MSI2: variants seen among roughly 807,000 people sequenced by gnomAD.
MSI2 encodes the protein RNA-binding protein Musashi homolog 2.
MSI2 carries 17 observed loss-of-function variants against 45.6 expected under a neutral mutation model. That is an observed-to-expected ratio of 0.37 (90% CI 0.26 to 0.56). The LOEUF is 0.56. MSI2 is among the 20% of genes least tolerant of loss of function. The pLI, the probability that MSI2 is intolerant of heterozygous loss-of-function variation, is 0.77. For synonymous variants in MSI2, 156 were observed against 158.2 expected, an observed-to-expected ratio of 0.99 and a Z score of 0.11; for missense variants, 293 against 444.2, an observed-to-expected ratio of 0.66 and a Z score of 3.06.
intron 6 of MSI2, among the ~76,000 whole-genome samples, chr17:57,502,760 G>GC (rs908580388): frequency 6.6e-6 from 1 of 151,080 alleles, no homozygotes; most frequent in African/African-American, 2.4e-5. Flanking sequence ...GCACAGAGGC[G>GC]CATGTGTTGG....
chr17:57,479,973 A>T (rs1050515349), intron 6 of MSI2, among the ~76,000 whole-genome samples: 1 of 152,184 alleles, frequency 6.6e-6, no homozygotes, highest in African/African-American at 2.4e-5. Context: ...TTACCAACTC[A>T]TGAAGGTCCA....
At chr17:57,547,449 G>A (rs1266339197) in intron 7 of MSI2, among the ~76,000 whole-genome samples, 2 of 152,138 alleles carry the variant, frequency 1.3e-5, no homozygotes, top group African/African-American at 4.8e-5. Flanking sequence ...CGTCTTGGGT[G>A]AGGGTTGTAC....
intron 5 of MSI2, among the ~76,000 whole-genome samples, chr17:57,352,069 A>G (rs1336981975): frequency 6.6e-6 from 1 of 152,230 alleles, no homozygotes; most frequent in African/African-American, 2.4e-5. Flanking sequence ...TACTGGAGGT[A>G]CTGGATATAA....
intron 5 of MSI2, among the ~76,000 whole-genome samples, chr17:57,284,448 G>A (rs1207993921): frequency 2.0e-5 from 3 of 152,152 alleles, no homozygotes; most frequent in East Asian, 1.9e-4. Context: ...TTTTAGAGGT[G>A]TGCCTGTGTG....
chr17:57,697,763 C>T, the MSI2 span, among the ~76,000 whole-genome samples: 1 of 152,134 alleles, frequency 6.6e-6, no homozygotes, highest in Admixed American at 6.5e-5. Flanking sequence ...ATCAGATCTC[C>T]TGAGACTTAT....
At chr17:57,400,024 C>T (rs1293820424) in intron 5 of MSI2, among the ~76,000 whole-genome samples, 5 of 152,240 alleles carry the variant, frequency 3.3e-5, no homozygotes, top group Non-Finnish European at 7.3e-5. Context: ...CAGCATCCTA[C>T]ATCACATCGA....
downstream of MSI2, among the ~76,000 whole-genome samples, chr17:57,688,566 T>C (rs1322948135): frequency 6.6e-6 from 1 of 152,176 alleles, no homozygotes; most frequent in Non-Finnish European, 1.5e-5. Context: ...ACAAGTGGCT[T>C]GAAGAAATTT....
chr17:57,394,328 T>G (rs1262444330), intron 5 of MSI2, among the ~76,000 whole-genome samples: 1 of 152,212 alleles, frequency 6.6e-6, no homozygotes, highest in African/African-American at 2.4e-5. Flanking sequence ...TGCTTAACAT[T>G]TCTGAGTCTT....
chr17:57,447,843 T>C (rs974305401), intron 6 of MSI2, among the ~76,000 whole-genome samples: 5 of 152,152 alleles, frequency 3.3e-5, no homozygotes, highest in Admixed American at 2.0e-4. Flanking sequence ...CTTCTGTCTT[T>C]GGGGCTATGA....
rs1908887469 is a variant in MSI2, at chr17:57,627,191, G to C, written c.653-38G>C. On this transcript the variant is annotated intron_variant, in intron 9 of 13. Transcript: ENST00000284073. The surrounding 1 kb of genome is among the most constrained non-coding windows in gnomAD (Gnocchi z 4.6). Reference sequence around the variant, plus strand: ...ATTTTACCCCAGACCTGAGGCGGCTGTACTAACAGGACTCTGATCTTTCTC... The same window carrying C: ...ATTTTACCCCAGACCTGAGGCGGCTCTACTAACAGGACTCTGATCTTTCTC... The C allele has an allele frequency of 1.3e-6, 2 of 1,593,306 alleles. No individual in the cohort carries two copies. The highest frequency in any genetic ancestry group is 1.7e-6 in the Non-Finnish European group (2 of 1,161,036).
Position 57,551,560 on chromosome 17 carries a change from C to T in MSI2, c.454+21836C>T, listed in dbSNP as rs189890355. 1.7e-4 allele frequency among the ~76,000 whole-genome samples: 26 copies of T among 152,222 alleles called. No individual in the cohort carries two copies. In the East Asian group the frequency reaches 5.0e-3, roughly 29 times the overall value. On this transcript the variant is annotated intron_variant, in intron 7 of 13. Coordinates refer to ENST00000284073, the MANE Select transcript of MSI2 (RefSeq NM_138962.4). Reference sequence around the variant, plus strand: ...GTGCCAGTTGCTGCATGACGTCTGCCGAGCCCCAGGTGCACCCATGGGGTC... The same window carrying T: ...GTGCCAGTTGCTGCATGACGTCTGCTGAGCCCCAGGTGCACCCATGGGGTC...
chr17:57,268,742 A>AG (rs1908072014), intron 5 of MSI2, among the ~76,000 whole-genome samples: 1 of 152,080 alleles, frequency 6.6e-6, no homozygotes, highest in Non-Finnish European at 1.5e-5. Context: ...AGGCTGAGGC[A>AG]GAGAATTGCT....
chr17:57,492,317 A>G (rs527402823), intron 6 of MSI2, among the ~76,000 whole-genome samples: 15 of 152,304 alleles, frequency 9.8e-5, no homozygotes, highest in Admixed American at 5.9e-4. Context: ...CTTCTCCACA[A>G]TTATTTTCAC....
chr17:57,267,169 C>T (rs1167720099), intron 5 of MSI2: 3 of 152,330 alleles, frequency 2.0e-5, no homozygotes, highest in Non-Finnish European at 4.4e-5. Flanking sequence ...ATGAACTGGC[C>T]TGCCAGTGGG....
intron 7 of MSI2, among the ~76,000 whole-genome samples, chr17:57,533,244 G>A (rs2086857231): frequency 6.6e-6 from 1 of 152,206 alleles, no homozygotes; most frequent in Non-Finnish European, 1.5e-5. Context: ...TGCCATGGGA[G>A]AGAACCCAGG....
At chr17:57,550,633 G>T (rs2087281625) in intron 7 of MSI2, among the ~76,000 whole-genome samples, 1 of 152,080 alleles carries the variant, frequency 6.6e-6, no homozygotes. Context: ...AAATCCAAAC[G>T]AGCTCTCCGT....
intron 7 of MSI2, among the ~76,000 whole-genome samples, chr17:57,589,426 C>G (rs992262755): frequency 1.3e-5 from 2 of 152,214 alleles, no homozygotes; most frequent in African/African-American, 4.8e-5. Context: ...GCACACTACT[C>G]ATCGCTTCTG....
At chr17:57,692,245 GT>G in the MSI2 span, among the ~76,000 whole-genome samples, 2 of 152,038 alleles carry the variant, frequency 1.3e-5, no homozygotes, top group Admixed American at 6.6e-5. Flanking sequence ...ACTAGATTCT[GT>G]TTGCTAATAT....
intron 5 of MSI2, among the ~76,000 whole-genome samples, chr17:57,384,738 C>G (rs553231750): frequency 1.3e-5 from 2 of 152,266 alleles, no homozygotes; most frequent in Admixed American, 1.3e-4. Flanking sequence ...TTTTACTCTA[C>G]CCCATCATCA....
Sources: gnomAD v4.1 joint callset for allele counts (sites outside exome capture counted in the v4.1 genomes callset) on GRCh38, gnomAD v4.1.1 for gene constraint, Gnocchi (gnomAD v3.1) non-coding constraint, MANE v1.5 for transcripts, NCBI Gene and HGNC (gene_info 2026-07-23, HGNC 2026-07-21) for gene names.